ATXN7: variants seen among roughly 807,000 people sequenced by gnomAD.
ATXN7 encodes the protein ataxin 7.
In ATXN7, 12 loss-of-function variants were observed where a neutral mutation model predicts 70.5. The ratio of observed to expected loss-of-function variants is 0.17; its 90% confidence interval spans 0.11 to 0.28. The LOEUF is 0.28. ATXN7 is among the 10% of genes least tolerant of loss of function. The pLI is 1.00. For missense variants in ATXN7, 1,256 were observed against 1,131.7 expected (o/e 1.11, Z -1.58); for synonymous variants, 498 against 448.7 (o/e 1.11, Z -1.39).
intron 5 of ATXN7, among the ~76,000 whole-genome samples, chr3:63,962,609 TG>T (rs1417611230): frequency 1.3e-5 from 2 of 152,010 alleles, no homozygotes; most frequent in East Asian, 3.9e-4. Flanking sequence ...TTCGCCATGT[TG>T]GCCAGGCTGG....
Position 63,996,162 on chromosome 3 carries a change from C to A in ATXN7, c.2340C>A (p.Pro780=), listed in dbSNP as rs368506531. ...ATGACCAGTCAGGGAGGGGCCCCCC[C>A]ACCGGGAGCCCTGCTGAATCCATCA... ...VRHDQSGRGP[P]TGSPAESIKR... The change falls in exon 12 of 13, where the codon CCC becomes CCA. Residue 780 remains proline, a synonymous_variant. Transcript: ENST00000674280. 4.0e-5 allele frequency: 64 copies of A among 1,614,172 alleles called. No individual in the cohort carries two copies. In the African/African-American group the frequency reaches 7.9e-4, roughly 20 times the overall value.
At chr3:63,951,192 G>A (rs953212485) in intron 4 of ATXN7, among the ~76,000 whole-genome samples, 2 of 152,014 alleles carry the variant, frequency 1.3e-5, no homozygotes, top group South Asian at 2.1e-4. Context: ...CTAGCTATCT[G>A]TGCAATTCAG....
At position 63,874,940 on chromosome 3, in the gene ATXN7, G is replaced by A. The variant is rs193191507; in HGVS notation, c.-111+10782G>A. Among the ~76,000 whole-genome samples the A allele has an allele frequency of 2.6e-5, 4 of 152,152 alleles. No individual in the cohort carries two copies. The East Asian group carries it at 7.7e-4, about 29-fold the overall frequency. ...CCAGCAGATTGTGTGTCTGATGAGG[G>A]CTTGTTTCCTGTTTCATAGAAGGTG... is the stretch of plus-strand genomic sequence containing the variant. On this transcript the variant is annotated intron_variant, in intron 1 of 12. Coordinates refer to ENST00000674280, the MANE Select transcript of ATXN7 (RefSeq NM_001377405.1).
Position 63,913,182 on chromosome 3 carries a change from G to T in ATXN7, c.351G>T (p.Lys117Asn), listed in dbSNP as rs200896386. 2.5e-6 allele frequency: 4 copies of T among 1,613,836 alleles called. No homozygotes were observed. The highest frequency in any genetic ancestry group is 3.4e-6 in the Non-Finnish European group (4 of 1,179,984). ...KDGTELDESFKEFGKNREVMG... is the reference protein window; with the variant it reads ...KDGTELDESFNEFGKNREVMG... ...GGACAGAATTGGACGAAAGTTTCAAGGAGTTTGGGAAAAACCGCGAAGTCA... is the reference window on the plus strand; with the variant it reads ...GGACAGAATTGGACGAAAGTTTCAATGAGTTTGGGAAAAACCGCGAAGTCA... Residue 117 changes from lysine (K) to asparagine (N), a missense_variant, in exon 4 of 13, where the codon AAG becomes AAT. Lys to Asn is a moderately conservative substitution (Grantham distance 94, BLOSUM62 0). Coordinates refer to ENST00000674280, the MANE Select transcript of ATXN7 (RefSeq NM_001377405.1).
chr3:63,922,726 G>A (rs1312872857), intron 4 of ATXN7, among the ~76,000 whole-genome samples: 7 of 152,068 alleles, frequency 4.6e-5, no homozygotes, highest in Admixed American at 4.6e-4. Context: ...TGCCTTTTCA[G>A]TTCTTGGAAA....
chr3:63,904,284 A>T (rs556441809), intron 2 of ATXN7: 1 of 150,548 alleles, frequency 6.6e-6, no homozygotes, highest in Non-Finnish European at 1.5e-5. Context: ...ATGGCTGAAT[A>T]ATTTTTTTTT....
At chr3:63,902,062 A>C (rs1486827816) in intron 2 of ATXN7, 2 of 152,132 alleles carry the variant, frequency 1.3e-5, no homozygotes, top group Non-Finnish European at 2.9e-5. Flanking sequence ...CTAGATAGTA[A>C]TGTTGGTTGT....
rs1396923904 is a variant in ATXN7, at chr3:63,863,896, G to A, written c.-373G>A. On this transcript the variant is annotated 5_prime_UTR_variant, in exon 1 of 13. Coordinates refer to ENST00000674280, the MANE Select transcript of ATXN7 (RefSeq NM_001377405.1). ...TGCAGCCGGGTAAACAGCCATGGAG[G>A]AGGAGGCGGCGGCGCCCGCGGCCGC... The A allele has an allele frequency of 3.5e-6, 4 of 1,131,200 alleles. No individual in the cohort carries two copies. The highest frequency in any genetic ancestry group is 4.3e-6 in the Non-Finnish European group (4 of 924,610). The allele number at this position is 1,131,200 out of a possible 1,614,324, so 70.1% of individuals were successfully genotyped here. A position where few individuals can be genotyped will look rare whatever the true frequency, so the allele number is the denominator to read the frequency against.
intron 12 of ATXN7, chr3:63,999,236 G>T (rs996520614): frequency 3.0e-5 from 16 of 531,176 alleles, no homozygotes; most frequent in Non-Finnish European, 4.1e-5. Context: ...CAGTTGGCTA[G>T]AAGTGAATCT....
chr3:63,906,577 T>C (rs945364136), intron 2 of ATXN7, among the ~76,000 whole-genome samples: 15 of 152,246 alleles, frequency 9.9e-5, no homozygotes, highest in African/African-American at 3.6e-4. Context: ...CTCTTAACTC[T>C]GAATCCATGA....
intron 4 of ATXN7, among the ~76,000 whole-genome samples, chr3:63,926,819 C>T (rs1306123550): frequency 2.0e-5 from 3 of 152,054 alleles, no homozygotes; most frequent in Non-Finnish European, 2.9e-5. Flanking sequence ...TCCCCTTGCC[C>T]CCCAATGCCC....
At chr3:63,910,446 A>G (rs1369794387) in intron 2 of ATXN7, among the ~76,000 whole-genome samples, 2 of 152,240 alleles carry the variant, frequency 1.3e-5, no homozygotes, top group Non-Finnish European at 2.9e-5. Context: ...CACAATTCCA[A>G]GTAATAAATT....
intron 1 of ATXN7, among the ~76,000 whole-genome samples, chr3:63,872,400 T>G (rs1004312671): frequency 2.0e-5 from 3 of 152,204 alleles, no homozygotes; most frequent in African/African-American, 7.2e-5. Flanking sequence ...GCAGTCCTCT[T>G]AAGTCTTGAG....
intron 8 of ATXN7, among the ~76,000 whole-genome samples, chr3:63,984,378 C>T (rs572160651): frequency 6.6e-6 from 1 of 151,882 alleles, no homozygotes; most frequent in Non-Finnish European, 1.5e-5. Context: ...GTATAGGGTA[C>T]TAATTGGACA....
At chr3:63,944,946 C>G (rs781486328) in intron 4 of ATXN7, among the ~76,000 whole-genome samples, 6 of 152,084 alleles carry the variant, frequency 3.9e-5, no homozygotes, top group Non-Finnish European at 8.8e-5. Flanking sequence ...TGTAAACCAC[C>G]ACACCCAACT....
chr3:63,982,294 G>A lies in ATXN7; in HGVS notation c.861G>A (p.Lys287=), dbSNP rs1420217173. 4 of 1,614,050 alleles carry A rather than the reference G, an allele frequency of 2.5e-6. No homozygotes were observed. The East Asian group carries it at 6.7e-5, about 27-fold the overall frequency. Residue 287 remains lysine, a synonymous_variant, in exon 7 of 13, where the codon AAG becomes AAA. Transcript: ENST00000674280. ...TCPATVSSLV[K]PGLNCPSIPK... is the part of the protein sequence containing the mutation. Reference sequence around the variant, plus strand: ...CTGCTACTGTGAGTTCCTTAGTCAAGCCTGGCCTTAACTGCCCCTCAATAC... The same window carrying A: ...CTGCTACTGTGAGTTCCTTAGTCAAACCTGGCCTTAACTGCCCCTCAATAC...
chr3:63,990,406 T>TC (rs1208596927), intron 10 of ATXN7, 32 bp downstream of exon 10: 1 of 1,612,018 alleles, frequency 6.2e-7, no homozygotes, highest in Non-Finnish European at 8.5e-7. Flanking sequence ...GCGTTGACCC[T>TC]CCCCACACAG....
chr3:63,940,136 A>G (rs2074730083), intron 4 of ATXN7, among the ~76,000 whole-genome samples: 2 of 152,090 alleles, frequency 1.3e-5, no homozygotes. Context: ...AGAAAACCAC[A>G]TGGATGTGTA....
chr3:63,902,313 G>A (rs1008236028), intron 2 of ATXN7: 2 of 152,208 alleles, frequency 1.3e-5, no homozygotes, highest in African/African-American at 2.4e-5. Flanking sequence ...GGGAGCTGAG[G>A]TGAGAGGATC....
Sources: gnomAD v4.1 joint callset for allele counts (sites outside exome capture counted in the v4.1 genomes callset) on GRCh38, gnomAD v4.1.1 for gene constraint, MANE v1.5 for transcripts, NCBI Gene and HGNC (gene_info 2026-07-23, HGNC 2026-07-21) for gene names.